VAV3: variants seen among roughly 807,000 people sequenced by gnomAD.
VAV3 encodes vav guanine nucleotide exchange factor 3.
A neutral mutation model predicts 131.2 loss-of-function variants in VAV3; 94 were observed. The observed-to-expected ratio is 0.72, with a 90% CI of 0.61 to 0.85. The LOEUF (loss-of-function observed/expected upper bound fraction) is 0.85, where lower values mean the gene tolerates loss of function less well. Ranked by LOEUF, VAV3 falls within the 40% of genes least tolerant of loss-of-function variation. The pLI, the probability that VAV3 is intolerant of heterozygous loss-of-function variation, is 0.00. For synonymous variants in VAV3, 349 were observed against 342.0 expected, an observed-to-expected ratio of 1.02 and a Z score of -0.22; for missense variants, 939 against 1,002.7, an observed-to-expected ratio of 0.94 and a Z score of 0.86.
chr1:107,760,949 G>T, intron 9 of VAV3, 70 bp from the exon 10 acceptor site: 1 of 1,036,894 alleles, frequency 9.6e-7, no homozygotes. Context: ...GCCCTAGGCA[G>T]AACAGTTATT....
At chr1:107,647,220 T>C (rs1243442745) in intron 19 of VAV3, among the ~76,000 whole-genome samples, 2 of 147,726 alleles carry the variant, frequency 1.4e-5, no homozygotes, top group Non-Finnish European at 3.0e-5. Flanking sequence ...TAGAGGAGAG[T>C]ACTGCCTACT....
At chr1:107,858,948 A>T (rs1669607577) in intron 2 of VAV3, among the ~76,000 whole-genome samples, 3 of 152,198 alleles carry the variant, frequency 2.0e-5, no homozygotes, top group Admixed American at 2.0e-4. Context: ...TAAATGGCTT[A>T]AATACTGTCT....
At chr1:107,733,083 C>T (rs1348696309) in intron 15 of VAV3, among the ~76,000 whole-genome samples, 1 of 152,126 alleles carries the variant, frequency 6.6e-6, no homozygotes, top group Non-Finnish European at 1.5e-5. Flanking sequence ...GCTGGTGATA[C>T]CAAGGAAAAC....
At chr1:107,805,162 TG>T (rs1345746922) in intron 2 of VAV3, among the ~76,000 whole-genome samples, 3 of 152,184 alleles carry the variant, frequency 2.0e-5, no homozygotes, top group Admixed American at 1.3e-4. Context: ...TGAATCTGTT[TG>T]CTGTTTCTCT....
chr1:107,661,378 G>A (rs763996453), intron 19 of VAV3, among the ~76,000 whole-genome samples: 36 of 152,098 alleles, frequency 2.4e-4, no homozygotes, highest in African/African-American at 4.6e-4. Flanking sequence ...CTATGCTTTC[G>A]GATCATTCTA....
intron 19 of VAV3, among the ~76,000 whole-genome samples, chr1:107,680,481 C>A (rs1421533421): frequency 6.6e-6 from 1 of 152,060 alleles, no homozygotes; most frequent in Non-Finnish European, 1.5e-5. Context: ...AATTGCTATA[C>A]TTAGCATTTA....
chr1:107,713,035 T>C (rs185871149), intron 15 of VAV3, among the ~76,000 whole-genome samples: 6 of 152,362 alleles, frequency 3.9e-5, no homozygotes, highest in Admixed American at 3.9e-4. Context: ...GCTAGATTTC[T>C]ATTCACATTT....
chr1:107,670,371 C>T (rs1463767652), intron 19 of VAV3, among the ~76,000 whole-genome samples: 4 of 152,220 alleles, frequency 2.6e-5, no homozygotes, highest in African/African-American at 7.2e-5. Context: ...ACACACTCTA[C>T]TTCTATACCC....
intron 15 of VAV3, among the ~76,000 whole-genome samples, chr1:107,734,818 G>T (rs1240405409): frequency 6.6e-6 from 1 of 152,092 alleles, no homozygotes; most frequent in Non-Finnish European, 1.5e-5. Flanking sequence ...GGTTAACAAG[G>T]ATATCCAGGA....
intron 2 of VAV3, among the ~76,000 whole-genome samples, chr1:107,805,391 C>CA (rs1296103867): frequency 6.6e-6 from 1 of 152,090 alleles, no homozygotes; most frequent in Non-Finnish European, 1.5e-5. Flanking sequence ...TCAAATAGCC[C>CA]ATCTTCAAGC....
At chr1:107,793,915 G>A (rs1666420761) in intron 2 of VAV3, among the ~76,000 whole-genome samples, 1 of 152,200 alleles carries the variant, frequency 6.6e-6, no homozygotes, top group South Asian at 2.1e-4. Flanking sequence ...TATGAAAACA[G>A]GGATCCACTT....
intron 2 of VAV3, among the ~76,000 whole-genome samples, chr1:107,793,356 G>T (rs546911061): frequency 2.0e-5 from 3 of 152,022 alleles, no homozygotes; most frequent in African/African-American, 7.2e-5. Flanking sequence ...GAGTTGAAAG[G>T]GTGTCTGCAT....
chr1:107,600,555 T>A (rs1651766036), intron 24 of VAV3, among the ~76,000 whole-genome samples: 1 of 152,366 alleles, frequency 6.6e-6, no homozygotes, highest in East Asian at 1.9e-4. Flanking sequence ...AAAAGCTTAC[T>A]TTAGTCCTGT....
chr1:107,738,085 C>G (rs1253960510), intron 15 of VAV3, among the ~76,000 whole-genome samples: 2 of 152,188 alleles, frequency 1.3e-5, no homozygotes, highest in East Asian at 1.9e-4. Flanking sequence ...AGCCATCATT[C>G]TGAGCAAACT....
At chr1:107,650,163 T>C (rs1019262659) in intron 19 of VAV3, among the ~76,000 whole-genome samples, 11 of 152,076 alleles carry the variant, frequency 7.2e-5, no homozygotes, top group Non-Finnish European at 1.3e-4. Flanking sequence ...AAAAGGTCAG[T>C]GACACTGCAT....
chr1:107,907,782 C>T (rs997885640), intron 1 of VAV3, among the ~76,000 whole-genome samples: 2 of 152,090 alleles, frequency 1.3e-5, no homozygotes, highest in African/African-American at 4.8e-5. Flanking sequence ...CCAGATGCAG[C>T]CCTTTGATCT....
chr1:107,584,806 AG>A (rs937713954), intron 25 of VAV3, among the ~76,000 whole-genome samples: 5 of 152,310 alleles, frequency 3.3e-5, no homozygotes, highest in Admixed American at 3.3e-4. Context: ...ACTAAGTATA[AG>A]GTCTTTCTTA....
At chr1:107,958,656 C>T (rs972542371) in intron 1 of VAV3, among the ~76,000 whole-genome samples, 1 of 152,018 alleles carries the variant, frequency 6.6e-6, no homozygotes, top group African/African-American at 2.4e-5. Flanking sequence ...ACTTTAAGTT[C>T]TGGGATACAT....
intron 2 of VAV3, among the ~76,000 whole-genome samples, chr1:107,800,386 T>C (rs1666770417): frequency 6.6e-6 from 1 of 152,170 alleles, no homozygotes; most frequent in African/African-American, 2.4e-5. Context: ...TAAAAGCCAT[T>C]GTAACTGGAG....
Sources: gnomAD v4.1 joint callset for allele counts (sites outside exome capture counted in the v4.1 genomes callset) on GRCh38, gnomAD v4.1.1 for gene constraint, MANE v1.5 for transcripts, NCBI Gene and HGNC (gene_info 2026-07-23, HGNC 2026-07-21) for gene names.